ERC1: variants seen among roughly 807,000 people sequenced by gnomAD.
The protein encoded by ERC1 is RAB6 interacting protein 2.
In ERC1, 56 loss-of-function variants were observed where a neutral mutation model predicts 132.0. The ratio of observed to expected loss-of-function variants is 0.42; its 90% CI spans 0.34 to 0.53. The LOEUF (loss-of-function observed/expected upper bound fraction) is 0.53, where lower values mean the gene tolerates loss of function less well. Ranked by LOEUF, ERC1 falls within the 20% of genes least tolerant of loss-of-function variation. The pLI is 0.03. For missense variants in ERC1, 1,202 were observed against 1,349.9 expected (o/e 0.89, Z 1.72); for synonymous variants, 478 against 476.1 (o/e 1.00, Z -0.05).
chr12:1,416,851 A>G (rs1221365124), intron 17 of ERC1, among the ~76,000 whole-genome samples: 2 of 152,146 alleles, frequency 1.3e-5, no homozygotes, highest in East Asian at 3.8e-4. Context: ...TTTACATATC[A>G]GTAGTTGCTC....
At chr12:1,367,035 A>G (rs1355117318) in intron 15 of ERC1, among the ~76,000 whole-genome samples, 1 of 152,178 alleles carries the variant, frequency 6.6e-6, no homozygotes, top group Non-Finnish European at 1.5e-5. Flanking sequence ...TAGTGTATCT[A>G]CCATAGTCTC....
At chr12:1,439,694 G>A (rs1001837357) in intron 17 of ERC1, among the ~76,000 whole-genome samples, 2 of 152,154 alleles carry the variant, frequency 1.3e-5, no homozygotes, top group African/African-American at 4.8e-5. Flanking sequence ...AATTTGGCCT[G>A]ACCACATATC....
At chr12:1,300,353 C>T (rs1035990713) in intron 15 of ERC1, among the ~76,000 whole-genome samples, 17 of 152,058 alleles carry the variant, frequency 1.1e-4, no homozygotes, top group Non-Finnish European at 2.1e-4. Context: ...AAACCCAAAA[C>T]TATAAAAACC....
At chr12:1,466,172 G>T (rs1044164208) in intron 18 of ERC1, among the ~76,000 whole-genome samples, 2 of 152,144 alleles carry the variant, frequency 1.3e-5, no homozygotes, top group African/African-American at 4.8e-5. Flanking sequence ...GAGGCTGGAA[G>T]TCCGAGATCA....
chr12:1,211,384 G>A (rs943352043), intron 12 of ERC1, among the ~76,000 whole-genome samples: 8 of 152,106 alleles, frequency 5.3e-5, no homozygotes, highest in African/African-American at 1.9e-4. Context: ...CCCATCTCAG[G>A]TGATCCACCC....
At chr12:1,488,004 A>G (rs1197648650) in intron 18 of ERC1, among the ~76,000 whole-genome samples, 6 of 151,994 alleles carry the variant, frequency 3.9e-5, no homozygotes, top group Non-Finnish European at 7.4e-5. Flanking sequence ...TGGGCGTGGT[A>G]GCAGGCGCCT....
At chr12:1,373,773 C>T (rs2052183) in intron 16 of ERC1, among the ~76,000 whole-genome samples, 44,277 of 151,808 alleles carry the variant, frequency 0.29, 6,681 homozygotes, top group Middle Eastern at 0.35. Flanking sequence ...GACGAGAGTC[C>T]GTCTCAAAAG....
At chr12:1,427,313 A>G (rs954701985) in intron 17 of ERC1, among the ~76,000 whole-genome samples, 15 of 152,302 alleles carry the variant, frequency 9.8e-5, no homozygotes, top group African/African-American at 3.4e-4. Context: ...GAACTTTTAC[A>G]TGAGGAAGTT....
chr12:1,044,398 A>G (rs2154162987), intron 2 of ERC1, among the ~76,000 whole-genome samples: 1 of 152,348 alleles, frequency 6.6e-6, no homozygotes, highest in South Asian at 2.1e-4. Flanking sequence ...GGAAGGAGAA[A>G]TACATGACTA....
At position 1,041,117 on chromosome 12, in the gene ERC1, ATATT is replaced by A. The variant is rs970352784; in HGVS notation, c.669+12550_669+12553del. Among the ~76,000 whole-genome samples, 3 of 152,312 alleles carry A rather than the reference ATATT, an allele frequency of 2.0e-5. No individual in the cohort carries two copies. The South Asian group carries it at 6.2e-4, about 32-fold the overall frequency. Reference sequence around the variant, plus strand: ...TATTAGATACTAAAATAAAAAAATAATATTTATTAGTACATTTAGAAACAATAAA... The same window carrying A: ...TATTAGATACTAAAATAAAAAAATAATATTAGTACATTTAGAAACAATAAA... On this transcript the variant is annotated intron_variant, in intron 2 of 18. Coordinates refer to ENST00000360905, the MANE Select transcript of ERC1 (RefSeq NM_178040.4).
chr12:1,352,165 A>C (rs2085062569), intron 15 of ERC1, among the ~76,000 whole-genome samples: 1 of 152,110 alleles, frequency 6.6e-6, no homozygotes, highest in South Asian at 2.1e-4. Flanking sequence ...ACAAGCCTTC[A>C]TCATATCACC....
chr12:1,141,958 A>G (rs755600581), intron 8 of ERC1, among the ~76,000 whole-genome samples, 171 bp downstream of exon 8: 1 of 152,192 alleles, frequency 6.6e-6, no homozygotes, highest in Non-Finnish European at 1.5e-5. Flanking sequence ...AGACTGCTCT[A>G]TATATTCAGT....
intron 8 of ERC1, among the ~76,000 whole-genome samples, chr12:1,145,086 G>A (rs537552458): frequency 3.3e-5 from 5 of 151,512 alleles, no homozygotes; most frequent in South Asian, 2.1e-4. Context: ...GTGCAATCTC[G>A]GCTCACTGCA....
At position 1,209,528 on chromosome 12, in the gene ERC1, A is replaced by G. The variant is rs11061664; in HGVS notation, c.2351+19476A>G. 1.5e-4 allele frequency among the ~76,000 whole-genome samples: 23 copies of G among 152,206 alleles called. 1 individual carries two copies. In the East Asian group the frequency reaches 4.1e-3, roughly 27 times the overall value. ...TTCATTTGTGTTGTCCTATTTATCA[A>G]CATTTTCTGCCTTGCTCAAGAAATG... On this transcript the variant is annotated intron_variant, in intron 12 of 18. Coordinates refer to ENST00000360905, the MANE Select transcript of ERC1 (RefSeq NM_178040.4).
intron 12 of ERC1, among the ~76,000 whole-genome samples, chr12:1,222,069 A>G (rs1322636591): frequency 6.6e-6 from 1 of 152,194 alleles, no homozygotes; most frequent in East Asian, 1.9e-4. Context: ...TACTGTAGGC[A>G]GCATTACACA....
At chr12:1,052,787 T>C (rs1467733459) in intron 2 of ERC1, among the ~76,000 whole-genome samples, 1 of 152,078 alleles carries the variant, frequency 6.6e-6, no homozygotes, top group African/African-American at 2.4e-5. Context: ...CTGGCCAACA[T>C]GGTGAAACCC....
intron 17 of ERC1, among the ~76,000 whole-genome samples, chr12:1,424,158 C>T (rs1398867057): frequency 6.6e-6 from 1 of 152,044 alleles, no homozygotes; most frequent in Non-Finnish European, 1.5e-5. Flanking sequence ...GTTGACTGAG[C>T]GTTGGTCCTA....
At chr12:1,323,121 G>A (rs1008242515) in intron 15 of ERC1, among the ~76,000 whole-genome samples, 1 of 152,058 alleles carries the variant, frequency 6.6e-6, no homozygotes, top group Non-Finnish European at 1.5e-5. Flanking sequence ...TATATTTTGT[G>A]GGGAATTAAT....
chr12:1,456,249 C>A (rs2093531463), intron 18 of ERC1, among the ~76,000 whole-genome samples: 1 of 152,206 alleles, frequency 6.6e-6, no homozygotes, highest in African/African-American at 2.4e-5. Flanking sequence ...TGATTTTACA[C>A]CAACTGGCCA....
Sources: gnomAD v4.1 joint callset for allele counts (sites outside exome capture counted in the v4.1 genomes callset) on GRCh38, gnomAD v4.1.1 for gene constraint, MANE v1.5 for transcripts, NCBI Gene and HGNC (gene_info 2026-07-23, HGNC 2026-07-21) for gene names.